The following DYNC1H1 variants were observed in gnomAD, a reference collection of about 807,000 sequenced individuals.
DYNC1H1 encodes cytoplasmic dynein 1 heavy chain 1.
Under a neutral mutation model 527.1 loss-of-function variants are expected in DYNC1H1, and 51 were observed. That is an observed-to-expected ratio of 0.10 (90% CI 0.08 to 0.12). The LOEUF (loss-of-function observed/expected upper bound fraction) is 0.12, where lower values mean the gene tolerates loss of function less well. Among genes scored for constraint, DYNC1H1 ranks in the 10% least tolerant of loss-of-function variants. The pLI is 1.00. For synonymous variants in DYNC1H1, 2,189 were observed against 2,278.8 expected, an observed-to-expected ratio of 0.96 and a Z score of 1.12; for missense variants, 2,771 against 5,971.8, an observed-to-expected ratio of 0.46 and a Z score of 17.66.
intron 11 of DYNC1H1, 93 bp downstream of exon 11, chr14:101,991,766 T>G: frequency 6.4e-7 from 1 of 1,555,970 alleles, no homozygotes; most frequent in East Asian, 2.3e-5. Context: ...TTAGATAAGC[T>G]CTTGATGTTG....
In DYNC1H1 at chr14:101,986,502, C is replaced by T. The variant is rs577000800; in HGVS notation, c.2277C>T (p.Arg759=). The stretch of plus-strand genomic sequence containing the variant: ...GGAACCTCAAATGGCTTGGTTTCCG[C>T]GTCCCACTGGCGATTGTGAACAAAG... ...EVRNLKWLGF[R]VPLAIVNKAH... The change falls in exon 8 of 78, where the codon CGC becomes CGT. Residue 759 remains arginine (R), a synonymous_variant. Transcript: ENST00000360184. This position sits in a 1 kb window ranked among gnomAD's most constrained non-coding sequence, Gnocchi z 8.7. The T allele has an allele frequency of 2.2e-5, 35 of 1,614,138 alleles. No individual in the cohort carries two copies. The highest frequency in any genetic ancestry group is 1.8e-4 in the East Asian group (8 of 44,872).
chr14:101,988,979 G>C, intron 10 of DYNC1H1, 127 bp downstream of exon 10: 3 of 1,315,132 alleles, frequency 2.3e-6, no homozygotes, highest in Non-Finnish European at 3.2e-6. Context: ...AGGTGATGAA[G>C]GTCAGCCTCA....
intron 18 of DYNC1H1, 88 bp from the exon 19 acceptor site, chr14:102,000,866 C>T: frequency 1.6e-6 from 2 of 1,271,176 alleles, no homozygotes; most frequent in Non-Finnish European, 2.3e-6. Context: ...AGCCACCGCG[C>T]CTGGCCTGAA....
rs1355919385 is a variant in DYNC1H1, at chr14:102,030,288, T to A, written c.9883+6T>A. 4 of 1,614,052 alleles carry A rather than the reference T, an allele frequency of 2.5e-6. No homozygotes were observed. The South Asian group carries it at 4.4e-5, about 18-fold the overall frequency. ...CGTCATTGAGGCCCAGAATGGTATG[T>A]AAAGACTGTCAGAGCTTTGATGTCT... On this transcript the variant is annotated splice_donor_region_variant and intron_variant, in intron 51 of 77. Coordinates refer to ENST00000360184, the MANE Select transcript of DYNC1H1 (RefSeq NM_001376.5).
rs548059190 is a variant in DYNC1H1 at position 101,971,414 on chromosome 14, T to A, written c.257-4298T>A. ...TTTAAGGTAATTGAAATTGCATAGT[T>A]TTTGTATTCCATTAAACAAGCCATA... On this transcript the variant is annotated intron_variant, in intron 1 of 77. Transcript: ENST00000360184. Among the ~76,000 whole-genome samples the A allele has an allele frequency of 4.9e-4, 74 of 152,222 alleles. 1 individual carries two copies. Among genetic ancestry groups the A allele is most frequent in the African/African-American group, 1.7e-3 (72 of 41,532 alleles).
chr14:102,049,594 C>G lies in DYNC1H1; in HGVS notation c.13515+12C>G. The stretch of plus-strand genomic sequence containing the variant: ...CCAAGGAGCTAAAGGTGAAGGCGCT[C>G]CTGACGAGTCTCGGGTGGTCAGCAG... On this transcript the variant is annotated intron_variant, in intron 75 of 77. Coordinates refer to ENST00000360184, the MANE Select transcript of DYNC1H1 (RefSeq NM_001376.5). The surrounding 1 kb of genome is among the most constrained non-coding windows in gnomAD (Gnocchi z 5.5). 6.2e-7 allele frequency: 1 copy of G among 1,613,816 alleles called. No homozygotes were observed. The highest frequency in any genetic ancestry group is 8.5e-7 in the Non-Finnish European group (1 of 1,180,044).
In DYNC1H1 at chr14:102,010,078, G is replaced by A. The variant is rs367868632; in HGVS notation, c.6213G>A (p.Pro2071=). 3.0e-5 allele frequency: 49 copies of A among 1,613,490 alleles called. No individual in the cohort carries two copies. In the East Asian group the frequency reaches 3.8e-4, roughly 12 times the overall value. Residue 2071 remains proline, a synonymous_variant, in exon 30 of 78, where the codon CCG becomes CCA. Coordinates refer to ENST00000360184, the MANE Select transcript of DYNC1H1 (RefSeq NM_001376.5). This position sits in a 1 kb window ranked among gnomAD's most constrained non-coding sequence, Gnocchi z 6.0. ...AAGTGCTTGCCAACAAAATCGTCCC[G>A]TTTTTTAAGTAAGTAGCCTAGAATT... ...TAEVLANKIV[P]FFKLCDEQLS...
Position 101,964,902 on chromosome 14 carries a change from GACCCGCAGGTCC to G in DYNC1H1, c.214_225del (p.Pro72_His75del). 1 of 1,600,498 alleles carries G rather than the reference GACCCGCAGGTCC, an allele frequency of 6.2e-7. No homozygotes were observed. The highest frequency in any genetic ancestry group is 8.5e-7 in the Non-Finnish European group (1 of 1,174,734). On this transcript the variant is annotated inframe_deletion, in exon 1 of 78. Transcript: ENST00000360184. The surrounding 1 kb of genome is among the most constrained non-coding windows in gnomAD (Gnocchi z 5.5). ...GGAGCAGATGCGCAAGTTCCTTTCG[GACCCGCAGGTCC>G]ACACGGTGCTGGTGGAGCGCTCCAC... is the stretch of plus-strand genomic sequence containing the variant.
chr14:101,970,181 G>A (rs1252955501), intron 1 of DYNC1H1, among the ~76,000 whole-genome samples: 1 of 152,102 alleles, frequency 6.6e-6, no homozygotes, highest in African/African-American at 2.4e-5. Context: ...ATTATATGGG[G>A]TTTCATGCTC....
Position 101,965,130 on chromosome 14 carries a change from C to A in DYNC1H1, c.256+183C>A, listed in dbSNP as rs2047650603. On this transcript the variant is annotated intron_variant, in intron 1 of 77. Transcript: ENST00000360184. The surrounding 1 kb of genome is among the most constrained non-coding windows in gnomAD (Gnocchi z 4.1). The stretch of plus-strand genomic sequence containing the variant: ...CCGGCCGGGTCCCCAGGGCCGCAGA[C>A]GCCCCGCAGAGGCCGGCGCGGCGCC... 6.6e-6 allele frequency among the ~76,000 whole-genome samples: 1 copy of A among 151,842 alleles called. No homozygotes were observed. Among genetic ancestry groups the A allele is most frequent in the Non-Finnish European group, 1.5e-5 (1 of 67,932 alleles).
At position 102,002,051 on chromosome 14, in the gene DYNC1H1, G is replaced by A. The variant is rs1252123017; in HGVS notation, c.4542+370G>A. On this transcript the variant is annotated intron_variant, in intron 21 of 77. Transcript: ENST00000360184. The surrounding 1 kb of genome is among the most constrained non-coding windows in gnomAD (Gnocchi z 4.4). The stretch of plus-strand genomic sequence containing the variant: ...GCCTCCTAAAGTGCCGGGATTACAG[G>A]CGTGAGTCACCACAGCCAGTCAATA... 6.6e-6 allele frequency among the ~76,000 whole-genome samples: 1 copy of A among 152,144 alleles called. No homozygotes were observed. The highest frequency in any genetic ancestry group is 2.1e-4 in the South Asian group (1 of 4,822).
At position 102,041,067 on chromosome 14, in the gene DYNC1H1, A is replaced by T; in HGVS notation, c.11941+394A>T. 2.8e-6 allele frequency: 1 copy of T among 353,450 alleles called. No homozygotes were observed. The highest frequency in any genetic ancestry group is 5.4e-6 in the Non-Finnish European group (1 of 184,404). 21.9% of individuals were successfully genotyped at this position (353,450 alleles called of 1,614,324 possible). A position where few individuals can be genotyped will look rare whatever the true frequency, so the allele number is the denominator to read the frequency against. ...AGGTGTTGGCTTAGAAGTAAATCAG[A>T]AATTTCCAATTCCTATTCATCTCAT... On this transcript the variant is annotated intron_variant, in intron 64 of 77. Transcript: ENST00000360184. The surrounding 1 kb of genome is among the most constrained non-coding windows in gnomAD (Gnocchi z 4.5).
intron 62 of DYNC1H1, among the ~76,000 whole-genome samples, 188 bp from the exon 63 acceptor site, chr14:102,040,048 C>T (rs766514613): frequency 8.5e-5 from 13 of 152,096 alleles, no homozygotes; most frequent in Non-Finnish European, 1.9e-4. Flanking sequence ...TTCATGTTGG[C>T]AGCCCAGCCT....
Position 102,055,396 on chromosome 14 carries a change from A to T in DYNC1H1, c.*4833A>T, listed in dbSNP as rs1016819622. On this transcript the variant is annotated 3_prime_UTR_variant, in exon 78 of 78. Coordinates refer to ENST00000360184, the MANE Select transcript of DYNC1H1 (RefSeq NM_001376.5). ...CGCGAGGCACGGGTGGGGCGATGAGACAGGATCGGCCGGTCCTTGACAGTC... is the reference window on the plus strand; with the variant it reads ...CGCGAGGCACGGGTGGGGCGATGAGTCAGGATCGGCCGGTCCTTGACAGTC... 1.3e-5 allele frequency: 2 copies of T among 151,934 alleles called. No homozygotes were observed. Among genetic ancestry groups the T allele is most frequent in the Non-Finnish European group, 2.9e-5 (2 of 68,038 alleles). 9.4% of individuals were successfully genotyped at this position (151,934 alleles called of 1,614,324 possible). A position where few individuals can be genotyped will look rare whatever the true frequency, so the allele number is the denominator to read the frequency against.
intron 72 of DYNC1H1, among the ~76,000 whole-genome samples, chr14:102,045,553 G>T (rs934592330): frequency 2.6e-5 from 4 of 152,084 alleles, no homozygotes; most frequent in African/African-American, 7.2e-5. Context: ...AGAGGTTTCA[G>T]TGAGCTGAGA....
At chr14:102,031,533 A>G (rs2048510479) in intron 51 of DYNC1H1, among the ~76,000 whole-genome samples, 2 of 152,212 alleles carry the variant, frequency 1.3e-5, no homozygotes, top group Admixed American at 6.5e-5. Context: ...CCTGGCAGCC[A>G]TTGTTTTAGA....
Position 102,052,341 on chromosome 14 carries a change from C to T in DYNC1H1, c.*1778C>T, listed in dbSNP as rs928689267. On this transcript the variant is annotated 3_prime_UTR_variant, in exon 78 of 78. Transcript: ENST00000360184. ...AGAGACAAGGTTTCACCATGTTGCT[C>T]GGGCTGGTCTCGAACTCCTGAGCTC... 2 of 152,260 alleles carry T rather than the reference C, an allele frequency of 1.3e-5. No homozygotes were observed. Among genetic ancestry groups the T allele is most frequent in the Non-Finnish European group, 2.9e-5 (2 of 68,144 alleles). 9.4% of individuals were successfully genotyped at this position (152,260 alleles called of 1,614,324 possible). A position where few individuals can be genotyped will look rare whatever the true frequency, so the allele number is the denominator to read the frequency against.
At position 102,015,057 on chromosome 14, in the gene DYNC1H1, T is replaced by TTTC; in HGVS notation, c.7015-44_7015-42dup. ...AGGTAAAAGAATCTTAATGTCCAGG[T>TTTC]TTCTTCCAAACCTATGTCATTAAAT... On this transcript the variant is annotated intron_variant, in intron 34 of 77. Transcript: ENST00000360184. The surrounding 1 kb of genome is among the most constrained non-coding windows in gnomAD (Gnocchi z 6.9). The TTTC allele has an allele frequency of 6.2e-7, 1 of 1,603,094 alleles. No homozygotes were observed. The highest frequency in any genetic ancestry group is 1.1e-5 in the South Asian group (1 of 90,638).
Position 102,017,168 on chromosome 14 carries a change from C to T in DYNC1H1, c.7929C>T (p.Arg2643=), listed in dbSNP as rs770608361. 1 of 1,614,208 alleles carries T rather than the reference C, an allele frequency of 6.2e-7. No individual in the cohort carries two copies. The highest frequency in any genetic ancestry group is 2.2e-5 in the East Asian group (1 of 44,886). The change falls in exon 39 of 78, where the codon CGC becomes CGT. Residue 2643 remains arginine (R), a synonymous_variant. Transcript: ENST00000360184. The surrounding 1 kb of genome is among the most constrained non-coding windows in gnomAD (Gnocchi z 4.6). The part of the protein sequence containing the change: ...KTFDHYCEYR[R]TPNGVVLAPV... ...TTGATCACTACTGCGAGTACAGGCG[C>T]ACACCTAATGGGGTGGTTTTGGCTC...
Sources: gnomAD v4.1 joint callset for allele counts (sites outside exome capture counted in the v4.1 genomes callset) on GRCh38, gnomAD v4.1.1 for gene constraint, Gnocchi (gnomAD v3.1) non-coding constraint, MANE v1.5 for transcripts, NCBI Gene and HGNC (gene_info 2026-07-23, HGNC 2026-07-21) for gene names.